HEG1: variants seen among roughly 807,000 people sequenced by gnomAD.
HEG1 encodes the protein protein HEG homolog 1.
HEG1 carries 56 observed loss-of-function variants against 125.6 expected under a neutral mutation model. That is an observed-to-expected ratio of 0.45 (90% CI 0.36 to 0.56). The LOEUF (loss-of-function observed/expected upper bound fraction) is 0.56, where lower values mean the gene tolerates loss of function less well. HEG1 is among the 20% of genes least tolerant of loss of function. The pLI is 0.00. For missense variants in HEG1, 1,523 were observed against 1,670.0 expected (o/e 0.91, Z 1.53); for synonymous variants, 644 against 668.5 (o/e 0.96, Z 0.57).
chr3:125,054,617 C>T (rs967510444), intron 1 of HEG1, among the ~76,000 whole-genome samples: 3 of 152,184 alleles, frequency 2.0e-5, no homozygotes, highest in Non-Finnish European at 4.4e-5. Context: ...TTGAATAGCC[C>T]GGACAGAGCA....
rs1412640170 is a variant in HEG1, at chr3:125,009,813, A to G, written c.3085T>C (p.Cys1029Arg). The change falls in exon 8 of 17, where the codon TGC becomes CGC. Residue 1029 changes from cysteine (C) to arginine (R), a missense_variant. By Grantham distance (180) the Cys-to-Arg change is radical. Transcript: ENST00000311127. ...GTGGATGGGCAGGGGTTCGACAGGC[A>G]CTCATTCACATCTGTAGAGGAGAAA... ...GDDCSVDVNE[C>R]LSNPCPSTAM... 1 of 1,613,198 alleles carries G rather than the reference A, an allele frequency of 6.2e-7. No homozygotes were observed. The highest frequency in any genetic ancestry group is 8.5e-7 in the Non-Finnish European group (1 of 1,179,510).
chr3:125,041,234 C>A (rs1326363958), intron 1 of HEG1, among the ~76,000 whole-genome samples: 1 of 152,170 alleles, frequency 6.6e-6, no homozygotes, highest in East Asian at 1.9e-4. Flanking sequence ...GCCAAAGTTA[C>A]CTGGATTGTC....
At chr3:125,031,164 C>T (rs11926997) in intron 1 of HEG1, among the ~76,000 whole-genome samples, 11,652 of 152,094 alleles carry the variant, frequency 0.077, 628 homozygotes, top group Middle Eastern at 0.16. Context: ...AGAGCAGGTG[C>T]GTGGGATGCC....
chr3:125,037,576 G>A (rs1937559511), intron 1 of HEG1, among the ~76,000 whole-genome samples: 1 of 152,210 alleles, frequency 6.6e-6, no homozygotes, highest in African/African-American at 2.4e-5. Flanking sequence ...ATAACTGGTA[G>A]CCCATGACCA....
intron 3 of HEG1, among the ~76,000 whole-genome samples, chr3:125,022,147 G>A (rs1937344665): frequency 6.6e-6 from 1 of 152,166 alleles, no homozygotes; most frequent in Admixed American, 6.5e-5. Flanking sequence ...GGAATAAACT[G>A]CAGGAAAGCT....
At chr3:124,983,698 C>T (rs914951624) in intron 14 of HEG1, among the ~76,000 whole-genome samples, 4 of 152,084 alleles carry the variant, frequency 2.6e-5, no homozygotes, top group Admixed American at 2.6e-4. Context: ...CTTATTTTCT[C>T]CCGCACCTTC....
Position 125,013,267 on chromosome 3 carries a change from T to C in HEG1, c.2312A>G (p.His771Arg), listed in dbSNP as rs1335494355. 3 of 1,614,050 alleles carry C rather than the reference T, an allele frequency of 1.9e-6. No individual in the cohort carries two copies. The highest frequency in any genetic ancestry group is 3.3e-4 in the Middle Eastern group (2 of 6,062). Reference protein sequence around the residue: ...STMTSFMTMLHSSQTADLKSQ... With the variant: ...STMTSFMTMLRSSQTADLKSQ... Reference sequence around the variant, plus strand: ...CTTAAGGTCTGCAGTTTGACTACTATGGAGCATTGTCATGAATGATGTCAT... The same window carrying C: ...CTTAAGGTCTGCAGTTTGACTACTACGGAGCATTGTCATGAATGATGTCAT... Residue 771 changes from histidine (H) to arginine (R), a missense_variant, in exon 6 of 17, where the codon CAT (histidine) becomes CGT (arginine). Transcript: ENST00000311127.
chr3:125,007,846 G>A (rs1167285301), intron 8 of HEG1, among the ~76,000 whole-genome samples: 1 of 151,940 alleles, frequency 6.6e-6, no homozygotes, highest in Non-Finnish European at 1.5e-5. Flanking sequence ...AAAACTCCTG[G>A]CAATATCTTA....
intron 12 of HEG1, among the ~76,000 whole-genome samples, chr3:124,992,148 G>C (rs1936844986): frequency 6.6e-6 from 1 of 152,150 alleles, no homozygotes; most frequent in Non-Finnish European, 1.5e-5. Flanking sequence ...GTAACAGAAT[G>C]CTCACCCTAG....
intron 12 of HEG1, among the ~76,000 whole-genome samples, chr3:124,995,085 G>A (rs1270428030): frequency 2.0e-5 from 3 of 152,164 alleles, no homozygotes; most frequent in African/African-American, 7.2e-5. Context: ...GATTGCTTGA[G>A]CCTAGGTGTT....
intron 4 of HEG1, among the ~76,000 whole-genome samples, chr3:125,019,820 C>T (rs1937309567): frequency 6.6e-6 from 1 of 152,136 alleles, no homozygotes; most frequent in Non-Finnish European, 1.5e-5. Flanking sequence ...AACAGGGGAC[C>T]TTTGAAATAG....
chr3:125,044,107 G>A (rs935664227), intron 1 of HEG1, among the ~76,000 whole-genome samples: 22 of 152,234 alleles, frequency 1.4e-4, no homozygotes, highest in East Asian at 1.9e-4. Context: ...AAATGGAGCC[G>A]TGGAGTGATG....
intron 1 of HEG1, among the ~76,000 whole-genome samples, chr3:125,041,022 C>G (rs1937589970): frequency 6.6e-6 from 1 of 152,192 alleles, no homozygotes; most frequent in Admixed American, 6.5e-5. Flanking sequence ...GTACATAAGT[C>G]ACCTGCCCAG....
intron 1 of HEG1, among the ~76,000 whole-genome samples, chr3:125,031,083 G>A (rs755452272): frequency 1.2e-4 from 19 of 152,170 alleles, no homozygotes; most frequent in Admixed American, 3.3e-4. Flanking sequence ...TTAAAGTTGG[G>A]GGTTAAATTG....
intron 3 of HEG1, among the ~76,000 whole-genome samples, chr3:125,024,488 C>T (rs1449841485): frequency 1.3e-5 from 2 of 152,176 alleles, no homozygotes; most frequent in East Asian, 1.9e-4. Context: ...CTTTTCCCTC[C>T]GATGATCAAA....
At chr3:125,038,748 A>T (rs530387171) in intron 1 of HEG1, among the ~76,000 whole-genome samples, 1 of 151,296 alleles carries the variant, frequency 6.6e-6, no homozygotes, top group Admixed American at 6.6e-5. Flanking sequence ...AACCTGCCAC[A>T]TGGAGGGCGA....
At chr3:124,987,952 CATATAT>C (rs1553776022) in intron 14 of HEG1, among the ~76,000 whole-genome samples, 3 of 54,660 alleles carry the variant, frequency 5.5e-5, no homozygotes, top group African/African-American at 1.4e-4. Context: ...CACACACACA[CATATAT>C]ATATATATAT....
At chr3:125,007,269 A>C (rs1383754190) in intron 8 of HEG1, among the ~76,000 whole-genome samples, 1 of 151,490 alleles carries the variant, frequency 6.6e-6, no homozygotes, top group Admixed American at 6.6e-5. Context: ...CTGAGTCAGG[A>C]CAGTAAACGT....
intron 11 of HEG1, among the ~76,000 whole-genome samples, chr3:125,000,454 G>A (rs965134024): frequency 1.3e-5 from 2 of 152,142 alleles, no homozygotes; most frequent in African/African-American, 2.4e-5. Flanking sequence ...CACTGGGGAG[G>A]ACAACTTGGT....
Sources: allele counts gnomAD v4.1 joint callset (sites outside exome capture counted in the v4.1 genomes callset), GRCh38; gene constraint gnomAD v4.1.1; transcripts MANE v1.5; gene names NCBI Gene and HGNC (gene_info 2026-07-23, HGNC 2026-07-21).